Variants in GRAMD1A observed in about 807,000 individuals in gnomAD.
GRAMD1A encodes the protein protein Aster-A.
A neutral mutation model predicts 92.0 loss-of-function variants in GRAMD1A; 50 were observed. The ratio of observed to expected loss-of-function variants is 0.54; its 90% CI spans 0.43 to 0.69. GRAMD1A has a LOEUF of 0.69. GRAMD1A is among the 30% of genes least tolerant of loss of function. The pLI, the probability that GRAMD1A is intolerant of heterozygous loss-of-function variation, is 0.00. For missense variants in GRAMD1A, 819 were observed against 978.9 expected, an observed-to-expected ratio of 0.84 and a Z score of 2.18; for synonymous variants, 405 against 403.6, an observed-to-expected ratio of 1.00 and a Z score of -0.04.
intron 1 of GRAMD1A, among the ~76,000 whole-genome samples, chr19:35,004,809 G>T (rs548685666): frequency 5.7e-4 from 87 of 152,308 alleles, no homozygotes; most frequent in Admixed American, 2.1e-3. Context: ...AGGGAAAGCA[G>T]CGTAGTTAAA....
rs1387701522 is a variant in GRAMD1A, at chr19:35,000,609, A to G, written c.8+123A>G. The G allele has an allele frequency of 5.8e-6, 1 of 173,334 alleles. No individual in the cohort carries two copies. Among genetic ancestry groups the G allele is most frequent in the Non-Finnish European group, 9.8e-6 (1 of 102,364 alleles). 10.7% of individuals were successfully genotyped at this position (173,334 alleles called of 1,614,324 possible). ...CTGCAGAGGTCGGGGGCCTCTGCAC[A>G]TGGCTCTGGCCGGGGCGATCGGGGT... On this transcript the variant is annotated intron_variant, in intron 1 of 19. Transcript: ENST00000317991. The surrounding 1 kb of genome is among the most constrained non-coding windows in gnomAD (Gnocchi z 4.9).
intron 16 of GRAMD1A, among the ~76,000 whole-genome samples, chr19:35,022,689 A>C (rs2016143317): frequency 6.6e-6 from 1 of 152,200 alleles, no homozygotes. Flanking sequence ...GGGAGGAAAC[A>C]GAAGCAGGAT....
chr19:35,001,817 A>T (rs1393164692), intron 1 of GRAMD1A, among the ~76,000 whole-genome samples: 1 of 152,150 alleles, frequency 6.6e-6, no homozygotes, highest in Non-Finnish European at 1.5e-5. Flanking sequence ...CATGTTGGCC[A>T]GGCTGATCTC....
chr19:35,004,056 A>G (rs904052032), intron 1 of GRAMD1A, among the ~76,000 whole-genome samples: 4 of 152,164 alleles, frequency 2.6e-5, no homozygotes, highest in Non-Finnish European at 5.9e-5. Flanking sequence ...GCAAGACCCC[A>G]TCACTACAAA....
rs1172811458 is a variant in GRAMD1A at position 35,000,524 on chromosome 19, G to A, written c.8+38G>A. 8.0e-7 allele frequency: 1 copy of A among 1,254,628 alleles called. No homozygotes were observed. 77.7% of individuals were successfully genotyped at this position (1,254,628 alleles called of 1,614,324 possible). On this transcript the variant is annotated intron_variant, in intron 1 of 19. Coordinates refer to ENST00000317991, the MANE Select transcript of GRAMD1A (RefSeq NM_020895.5). This position sits in a 1 kb window ranked among gnomAD's most constrained non-coding sequence, Gnocchi z 4.9. ...CGACTAGAGCTCAGGGACCGGGCGC[G>A]CGGGGGAGGCCACCGGAGGGAGGGG...
upstream of GRAMD1A, chr19:34,996,238 C>T: frequency 6.5e-7 from 1 of 1,535,744 alleles, no homozygotes; most frequent in Non-Finnish European, 8.7e-7. Flanking sequence ...CCCCAACCCC[C>T]CGACGCCGGC....
chr19:35,022,244 G>A (rs536878976), intron 16 of GRAMD1A, among the ~76,000 whole-genome samples: 2 of 152,110 alleles, frequency 1.3e-5, no homozygotes, highest in East Asian at 1.9e-4. Flanking sequence ...AGCCGGGGGG[G>A]GCTATGGGAG....
intron 10 of GRAMD1A, chr19:35,014,933 A>G (rs2015518661): frequency 6.3e-6 from 1 of 158,646 alleles, no homozygotes; most frequent in Non-Finnish European, 1.4e-5. Context: ...TTGGCAGACC[A>G]AGGCAAGAGG....
rs1205247273 is a variant in GRAMD1A at position 35,009,229 on chromosome 19, T to C, written c.119T>C (p.Met40Thr). Reference protein sequence around the residue: ...RPPPEPEPGTMVEKGSDSSSE... With the variant: ...RPPPEPEPGTTVEKGSDSSSE... ...CCACCTGAGCCAGAACCAGGCACCA[T>C]GGTGGAGAAGGGATCAGATAGCTCC... Residue 40 changes from methionine (M) to threonine (T), a missense_variant, in exon 2 of 20, where the codon ATG becomes ACG. Physicochemically the swap from Met to Thr is moderately conservative, Grantham distance 81. This residue lies in a region of GRAMD1A where 98 missense variants were observed against 84.0 expected (regional missense o/e 1.17). Transcript: ENST00000317991. The C allele has an allele frequency of 1.9e-6, 3 of 1,612,686 alleles. No homozygotes were observed. The African/African-American group carries it at 4.0e-5, about 22-fold the overall frequency.
At chr19:35,019,673 CGAATAGTGGAGGGTAGAG>C (rs1326720013) in intron 13 of GRAMD1A, 140 bp downstream of exon 13, 1 of 827,772 alleles carries the variant, frequency 1.2e-6, no homozygotes, top group East Asian at 2.5e-5. Flanking sequence ...CCTTGTCCTC[CGAATAGTGGAGGGTAGAG>C]GAAGAGTGGC....
Position 35,021,570 on chromosome 19 carries a change from C to T in GRAMD1A, c.1544C>T (p.Ser515Leu), listed in dbSNP as rs777238052. 8 of 1,614,112 alleles carry T rather than the reference C, an allele frequency of 5.0e-6. No homozygotes were observed. The highest frequency in any genetic ancestry group is 1.3e-5 in the African/African-American group (1 of 75,060). Residue 515 changes from serine to leucine, a missense_variant, in exon 14 of 20, where the codon TCG becomes TTG. Around this residue, in one of 3 missense-constraint regions of GRAMD1A, gnomAD observed 577 missense variants for 674.6 expected, o/e 0.86. Transcript: ENST00000317991. This position sits in a 1 kb window ranked among gnomAD's most constrained non-coding sequence, Gnocchi z 5.3. ...SLVKSLIEKNSWSGIEDYFHH... is the reference protein window; with the variant it reads ...SLVKSLIEKNLWSGIEDYFHH... ...GTGAAGTCGCTCATTGAGAAGAACTCGTGGAGCGGCATTGAAGACTATTTC... is the reference window on the plus strand; with the variant it reads ...GTGAAGTCGCTCATTGAGAAGAACTTGTGGAGCGGCATTGAAGACTATTTC...
chr19:34,995,870 A>T, upstream of GRAMD1A: 1 of 635,652 alleles, frequency 1.6e-6, no homozygotes, highest in Non-Finnish European at 2.7e-6. Flanking sequence ...AGCATGAGCC[A>T]CTGCGCCTGG....
rs577020499 is a variant in GRAMD1A, at chr19:35,020,212, G to A, written c.1475+679G>A. On this transcript the variant is annotated intron_variant, in intron 13 of 19. Coordinates refer to ENST00000317991, the MANE Select transcript of GRAMD1A (RefSeq NM_020895.5). ...TTCAAGAGTAGCCTGGGTAACGTACGGAAGCCCTGTCTCTACAAAAACAAT... is the reference window on the plus strand; with the variant it reads ...TTCAAGAGTAGCCTGGGTAACGTACAGAAGCCCTGTCTCTACAAAAACAAT... Among the ~76,000 whole-genome samples, 7 of 152,170 alleles carry A rather than the reference G, an allele frequency of 4.6e-5. 1 individual carries two copies. The highest frequency in any genetic ancestry group is 1.4e-4 in the African/African-American group (6 of 41,496).
At chr19:35,019,340 G>T (rs1305064533) in intron 12 of GRAMD1A, 31 bp downstream of exon 12, 1 of 1,612,842 alleles carries the variant, frequency 6.2e-7, no homozygotes, top group Non-Finnish European at 8.5e-7. Flanking sequence ...GAGTGGGTGG[G>T]GCAGCTGGGT....
At chr19:35,001,719 T>A (rs1400385643) in intron 1 of GRAMD1A, among the ~76,000 whole-genome samples, 1 of 152,166 alleles carries the variant, frequency 6.6e-6, no homozygotes, top group Non-Finnish European at 1.5e-5. Context: ...GCAATTCTCC[T>A]GCCTCAGCCT....
At chr19:35,023,598 T>G (rs568858136) in intron 19 of GRAMD1A, 51 bp downstream of exon 19, 2 of 1,507,878 alleles carry the variant, frequency 1.3e-6, no homozygotes, top group South Asian at 2.6e-5. Flanking sequence ...TGCAGGGTCC[T>G]GTGTTGAAAC....
chr19:35,001,834 C>A (rs2014396651), intron 1 of GRAMD1A, among the ~76,000 whole-genome samples: 1 of 152,148 alleles, frequency 6.6e-6, no homozygotes, highest in Non-Finnish European at 1.5e-5. Context: ...TCTCGAACTC[C>A]TGACCTCAGG....
At chr19:34,996,088 G>A (rs995003600), upstream of GRAMD1A, 25 of 1,535,794 alleles carry the variant, frequency 1.6e-5, no homozygotes, top group Admixed American at 2.0e-5. Flanking sequence ...CCCAGGGCTC[G>A]CCTGACCTCC....
intron 1 of GRAMD1A, among the ~76,000 whole-genome samples, chr19:35,008,864 G>A (rs1177402917): frequency 6.6e-6 from 1 of 152,166 alleles, no homozygotes; most frequent in East Asian, 1.9e-4. Context: ...TGCTTTACAT[G>A]TCCTGATTTG....
Sources: gnomAD v4.1 joint callset for allele counts (sites outside exome capture counted in the v4.1 genomes callset) on GRCh38, gnomAD v4.1.1 for gene constraint, gnomAD v4.1.1 regional missense constraint, Gnocchi (gnomAD v3.1) non-coding constraint, MANE v1.5 for transcripts, NCBI Gene and HGNC (gene_info 2026-07-23, HGNC 2026-07-21) for gene names.